Variants in KCNS3 observed in about 807,000 individuals in gnomAD.
KCNS3 encodes the protein potassium voltage-gated channel modifier subfamily S member 3, also known as delayed-rectifier potassium channel regulatory subunit KCNS3.
A neutral mutation model predicts 31.0 loss-of-function variants in KCNS3; 13 were observed. The ratio of observed to expected loss-of-function variants is 0.42; its 90% CI spans 0.27 to 0.67. The LOEUF (loss-of-function observed/expected upper bound fraction) is 0.67. KCNS3 is among the 30% of genes least tolerant of loss of function. The pLI is 0.25. For synonymous variants in KCNS3, 238 were observed against 241.5 expected, an observed-to-expected ratio of 0.99 and a Z score of 0.13; for missense variants, 545 against 622.4, an observed-to-expected ratio of 0.88 and a Z score of 1.32.
intron 1 of KCNS3, among the ~76,000 whole-genome samples, chr2:17,916,771 C>CA (rs201307999): frequency 0.028 from 4,303 of 152,086 alleles, 160 homozygotes; most frequent in African/African-American, 0.085. Flanking sequence ...AAGATAATGC[C>CA]CAGCAGATCA....
At chr2:17,887,488 T>G (rs571668075) in intron 1 of KCNS3, among the ~76,000 whole-genome samples, 248 of 141,422 alleles carry the variant, frequency 1.8e-3, no homozygotes, top group African/African-American at 6.4e-3. Flanking sequence ...TCATATGATC[T>G]ATCTATCTAT....
rs5829612 is a variant in KCNS3, at chr2:17,893,940, G to GTTTTTTTTTTTTT, written c.-252+15148_-252+15160dup. On this transcript the variant is annotated intron_variant, in intron 1 of 2. Transcript: ENST00000304101. The stretch of plus-strand genomic sequence containing the variant: ...CCCTCTGCCATGATCCCAGGAGCCA[G>GTTTTTTTTTTTTT]TTTTTTTTTTTTTTTTTTTTTTTTT... Among the ~76,000 whole-genome samples the GTTTTTTTTTTTTT allele has an allele frequency of 2.6e-4, 26 of 98,904 alleles. 1 individual carries two copies. Among genetic ancestry groups the GTTTTTTTTTTTTT allele is most frequent in the Middle Eastern group, 6.7e-3 (1 of 150 alleles). 64.9% of individuals were successfully genotyped at this position (98,904 alleles called of 152,430 possible).
At chr2:17,880,331 C>T (rs567704072) in intron 1 of KCNS3, among the ~76,000 whole-genome samples, 1 of 152,318 alleles carries the variant, frequency 6.6e-6, no homozygotes, top group East Asian at 1.9e-4. Context: ...CCAACCAGCC[C>T]GCCATGGGCC....
At position 17,912,055 on chromosome 2, in the gene KCNS3, C is replaced by T. The variant is rs114965969; in HGVS notation, c.-251-5625C>T. ...TATTCATTGCATGGCTACCCCCAGT[C>T]TATTTAATCATTCCTCTATTGATGG... On this transcript the variant is annotated intron_variant, in intron 1 of 2. Transcript: ENST00000304101. Among the ~76,000 whole-genome samples, 562 of 152,316 alleles carry T rather than the reference C, an allele frequency of 3.7e-3. 3 individuals are homozygous for T. The highest frequency in any genetic ancestry group is 0.013 in the African/African-American group (536 of 41,568).
At chr2:17,898,522 T>G (rs1321412187) in intron 1 of KCNS3, among the ~76,000 whole-genome samples, 1 of 152,174 alleles carries the variant, frequency 6.6e-6, no homozygotes, top group Non-Finnish European at 1.5e-5. Flanking sequence ...TTCTAGGAGC[T>G]TCACATAGCC....
chr2:17,909,611 G>A (rs568976074), intron 1 of KCNS3, among the ~76,000 whole-genome samples: 17 of 152,158 alleles, frequency 1.1e-4, no homozygotes, highest in African/African-American at 3.9e-4. Context: ...GCCCCACCTC[G>A]GGTTATTGAC....
intron 1 of KCNS3, among the ~76,000 whole-genome samples, chr2:17,896,312 T>G (rs1296628769): frequency 6.6e-6 from 1 of 152,046 alleles, no homozygotes; most frequent in Non-Finnish European, 1.5e-5. Flanking sequence ...TCAGCCCCCC[T>G]AAAGTGCTGG....
At chr2:17,886,734 A>G (rs1218270427) in intron 1 of KCNS3, among the ~76,000 whole-genome samples, 1 of 140,284 alleles carries the variant, frequency 7.1e-6, no homozygotes, top group African/African-American at 2.7e-5. Context: ...TCCACCACCC[A>G]TTTAAATGTC....
intron 1 of KCNS3, among the ~76,000 whole-genome samples, chr2:17,900,709 C>T (rs1414817650): frequency 6.6e-6 from 1 of 151,940 alleles, no homozygotes; most frequent in Non-Finnish European, 1.5e-5. Flanking sequence ...AGGCTGGTTT[C>T]GAACTCCTGA....
intron 2 of KCNS3, among the ~76,000 whole-genome samples, chr2:17,919,201 C>A (rs1662658084): frequency 6.6e-6 from 1 of 152,082 alleles, no homozygotes; most frequent in African/African-American, 2.4e-5. Context: ...AGCAGTCACA[C>A]TAAATACAGA....
intron 1 of KCNS3, among the ~76,000 whole-genome samples, chr2:17,889,066 A>T (rs1309024401): frequency 6.6e-6 from 1 of 151,970 alleles, no homozygotes; most frequent in Admixed American, 6.6e-5. Context: ...TGAGCATGGG[A>T]TGTGTTTCCA....
intron 2 of KCNS3, among the ~76,000 whole-genome samples, chr2:17,923,529 T>A (rs995850715): frequency 8.5e-5 from 13 of 152,140 alleles, no homozygotes; most frequent in Non-Finnish European, 1.9e-4. Context: ...TTTAGTGTTA[T>A]AGCTAAGAAG....
At chr2:17,928,771 A>G (rs1413572770) in intron 2 of KCNS3, among the ~76,000 whole-genome samples, 1 of 151,986 alleles carries the variant, frequency 6.6e-6, no homozygotes, top group African/African-American at 2.4e-5. Context: ...TGCTCCCTTT[A>G]ATGGTGTTAC....
intron 2 of KCNS3, chr2:17,919,478 C>T (rs1278783399): frequency 6.6e-6 from 1 of 152,204 alleles, no homozygotes; most frequent in Non-Finnish European, 1.5e-5. Context: ...GAAGAGGCAG[C>T]TCAGACACAA....
chr2:17,883,898 C>T (rs898879249), intron 1 of KCNS3, among the ~76,000 whole-genome samples: 5 of 151,920 alleles, frequency 3.3e-5, no homozygotes, highest in East Asian at 1.9e-4. Context: ...AAATGTGGCA[C>T]GTATACACCG....
At chr2:17,926,555 T>G (rs1662842161) in intron 2 of KCNS3, among the ~76,000 whole-genome samples, 1 of 152,238 alleles carries the variant, frequency 6.6e-6, no homozygotes, top group Admixed American at 6.5e-5. Context: ...ACCTCAGTTC[T>G]TCTGTCCACT....
rs776186643 is a variant in KCNS3, at chr2:17,931,008, C to T, written c.-1C>T. 1 of 1,612,322 alleles carries T rather than the reference C, an allele frequency of 6.2e-7. No individual in the cohort carries two copies. The highest frequency in any genetic ancestry group is 1.7e-5 in the Admixed American group (1 of 59,946). On this transcript the variant is annotated 5_prime_UTR_variant, in exon 3 of 3. Transcript: ENST00000304101. This position sits in a 1 kb window ranked among gnomAD's most constrained non-coding sequence, Gnocchi z 5.4. The stretch of plus-strand genomic sequence containing the variant: ...CCAGCACTCTGCCTTCTGTATCCAC[C>T]ATGGTGTTTGGTGAGTTTTTCCATC...
chr2:17,932,619 T>A lies in KCNS3; in HGVS notation c.*135T>A. ...TCAGCCATAGTTGGACATTCATTGC[T>A]GAATTCTGAAATGATAGAATTGTCT... On this transcript the variant is annotated 3_prime_UTR_variant, in exon 3 of 3. Coordinates refer to ENST00000304101, the MANE Select transcript of KCNS3 (RefSeq NM_002252.5). The A allele has an allele frequency of 1.1e-6, 1 of 873,194 alleles. No homozygotes were observed. The highest frequency in any genetic ancestry group is 1.7e-6 in the Non-Finnish European group (1 of 573,536). 54.1% of individuals were successfully genotyped at this position (873,194 alleles called of 1,614,324 possible). A position where few individuals can be genotyped will look rare whatever the true frequency, so the allele number is the denominator to read the frequency against.
intron 1 of KCNS3, among the ~76,000 whole-genome samples, chr2:17,882,284 A>T (rs538115655): frequency 6.6e-6 from 1 of 152,350 alleles, no homozygotes; most frequent in South Asian, 2.1e-4. Flanking sequence ...ACATTTGTAT[A>T]ACCTATTGTG....
Sources: allele counts gnomAD v4.1 joint callset (sites outside exome capture counted in the v4.1 genomes callset), GRCh38; gene constraint gnomAD v4.1.1; non-coding constraint Gnocchi (gnomAD v3.1); transcripts MANE v1.5; gene names NCBI Gene and HGNC (gene_info 2026-07-23, HGNC 2026-07-21).